Variants in PDGFC observed in about 807,000 individuals in gnomAD.
PDGFC encodes the protein platelet-derived growth factor C.
Under a neutral mutation model 35.5 loss-of-function variants are expected in PDGFC, and 12 were observed. The observed-to-expected ratio is 0.34, with a 90% confidence interval of 0.22 to 0.55. The LOEUF (loss-of-function observed/expected upper bound fraction) is 0.55, where lower values mean the gene tolerates loss of function less well. PDGFC is among the 20% of genes least tolerant of loss of function. The pLI is 0.91. For synonymous variants in PDGFC, 159 were observed against 148.8 expected, an observed-to-expected ratio of 1.07 and a Z score of -0.50; for missense variants, 322 against 412.4, an observed-to-expected ratio of 0.78 and a Z score of 1.90.
intron 1 of PDGFC, among the ~76,000 whole-genome samples, chr4:156,865,107 C>G (rs1729806486): frequency 6.6e-6 from 1 of 151,758 alleles, no homozygotes; most frequent in South Asian, 2.1e-4. Flanking sequence ...GGTTAAGAAC[C>G]CTTTCTCCAA....
chr4:156,802,900 G>GCTGCAAAAAT (rs1367872330), intron 3 of PDGFC, among the ~76,000 whole-genome samples: 4 of 152,208 alleles, frequency 2.6e-5, no homozygotes, highest in African/African-American at 9.6e-5. Context: ...GTTATGCAAG[G>GCTGCAAAAAT]CTGCAAAAAT....
At chr4:156,764,626 AC>A (rs2110785951) in intron 5 of PDGFC, among the ~76,000 whole-genome samples, 1 of 152,310 alleles carries the variant, frequency 6.6e-6, no homozygotes, top group Non-Finnish European at 1.5e-5. Context: ...GAAATTCTAA[AC>A]TTTTAAAGTA....
intron 1 of PDGFC, among the ~76,000 whole-genome samples, chr4:156,921,646 CT>C (rs1731284334): frequency 6.6e-6 from 1 of 152,080 alleles, no homozygotes. Context: ...TACAACGAAG[CT>C]TTTAGCTGAG....
At chr4:156,770,653 C>A (rs1344719980) in intron 4 of PDGFC, 1 of 151,982 alleles carries the variant, frequency 6.6e-6, no homozygotes, top group Non-Finnish European at 1.5e-5. Context: ...CCTAAGAAAA[C>A]AAATACAGGT....
chr4:156,831,848 T>G (rs1436328986), intron 2 of PDGFC, among the ~76,000 whole-genome samples: 1 of 152,146 alleles, frequency 6.6e-6, no homozygotes, highest in Non-Finnish European at 1.5e-5. Flanking sequence ...TCAAACCTTA[T>G]TATAATATCA....
chr4:156,820,955 C>A (rs1316117070), intron 2 of PDGFC, among the ~76,000 whole-genome samples: 1 of 152,092 alleles, frequency 6.6e-6, no homozygotes, highest in Non-Finnish European at 1.5e-5. Flanking sequence ...GAAAAAGGCT[C>A]TAGCTGTTTT....
chr4:156,884,562 T>C lies in PDGFC; in HGVS notation c.119-34146A>G, dbSNP rs577884400. On this transcript the variant is annotated intron_variant, in intron 1 of 5. Coordinates refer to ENST00000502773, the MANE Select transcript of PDGFC (RefSeq NM_016205.3). ...CCAAAGAAGTGAAACAACCACTAGATACTGCCTTTTCATACTTCCTATGCA... is the reference window on the plus strand; with the variant it reads ...CCAAAGAAGTGAAACAACCACTAGACACTGCCTTTTCATACTTCCTATGCA... Among the ~76,000 whole-genome samples the C allele has an allele frequency of 2.6e-5, 4 of 152,318 alleles. No individual in the cohort carries two copies. In the East Asian group the frequency reaches 7.7e-4, roughly 29 times the overall value.
chr4:156,845,231 C>T (rs927126659), intron 2 of PDGFC, among the ~76,000 whole-genome samples: 2 of 151,378 alleles, frequency 1.3e-5, no homozygotes, highest in African/African-American at 4.8e-5. Context: ...ATTGGCAGGG[C>T]GCCTCTACAC....
chr4:156,793,335 G>A (rs117565895), intron 3 of PDGFC, among the ~76,000 whole-genome samples: 6 of 151,468 alleles, frequency 4.0e-5, no homozygotes, highest in Admixed American at 2.0e-4. Context: ...AGAAAGGGAC[G>A]TAAAATGACC....
In PDGFC at chr4:156,936,218, A is replaced by C. The variant is rs949510841; in HGVS notation, c.118+34568T>G. Among the ~76,000 whole-genome samples the C allele has an allele frequency of 5.3e-5, 8 of 152,346 alleles. No individual in the cohort carries two copies. The East Asian group carries it at 7.7e-4, about 15-fold the overall frequency. On this transcript the variant is annotated intron_variant, in intron 1 of 5. Coordinates refer to ENST00000502773, the MANE Select transcript of PDGFC (RefSeq NM_016205.3). Reference sequence around the variant, plus strand: ...CGTCGTAATAGAATGAGTTTCAAAAAGTATCTTTCTTCAGGTACTATGAGG... The same window carrying C: ...CGTCGTAATAGAATGAGTTTCAAAACGTATCTTTCTTCAGGTACTATGAGG...
intron 3 of PDGFC, among the ~76,000 whole-genome samples, chr4:156,776,035 C>T (rs1044875206): frequency 3.3e-5 from 5 of 151,812 alleles, no homozygotes; most frequent in Non-Finnish European, 7.4e-5. Flanking sequence ...AAGAAAGAGC[C>T]GAGTTGTTCA....
intron 2 of PDGFC, among the ~76,000 whole-genome samples, chr4:156,817,417 T>C (rs969261113): frequency 3.9e-5 from 6 of 152,212 alleles, no homozygotes; most frequent in African/African-American, 1.2e-4. Context: ...AGTATAAGTA[T>C]ATTTTATGTA....
At chr4:156,920,659 AC>A (rs1188500150) in intron 1 of PDGFC, among the ~76,000 whole-genome samples, 1 of 129,460 alleles carries the variant, frequency 7.7e-6, no homozygotes, top group Non-Finnish European at 1.5e-5. Context: ...ACACACACAC[AC>A]ACACACACAC....
chr4:156,792,328 C>T (rs1731319853), intron 3 of PDGFC, among the ~76,000 whole-genome samples: 1 of 152,112 alleles, frequency 6.6e-6, no homozygotes, highest in Non-Finnish European at 1.5e-5. Context: ...ATAATTTATT[C>T]ATAATATGAA....
chr4:156,932,510 T>G (rs1251910565), intron 1 of PDGFC, among the ~76,000 whole-genome samples: 2 of 151,974 alleles, frequency 1.3e-5, no homozygotes, highest in Non-Finnish European at 2.9e-5. Context: ...TGTACAACAA[T>G]GATAGACTGG....
At chr4:156,887,772 G>A (rs1730409349) in intron 1 of PDGFC, among the ~76,000 whole-genome samples, 1 of 152,028 alleles carries the variant, frequency 6.6e-6, no homozygotes, top group South Asian at 2.1e-4. Context: ...CCCTCACTTT[G>A]GGAGGCTGAG....
intron 2 of PDGFC, among the ~76,000 whole-genome samples, chr4:156,837,524 T>A (rs944699222): frequency 1.3e-5 from 2 of 152,186 alleles, no homozygotes; most frequent in Non-Finnish European, 2.9e-5. Context: ...TTTAAGCCAT[T>A]GTGCCAACTG....
At chr4:156,948,252 A>G (rs1024320074) in intron 1 of PDGFC, among the ~76,000 whole-genome samples, 8 of 151,468 alleles carry the variant, frequency 5.3e-5, no homozygotes, top group Non-Finnish European at 1.2e-4. Context: ...AAAACCCCAT[A>G]TGGTGCCAAA....
intron 1 of PDGFC, among the ~76,000 whole-genome samples, chr4:156,956,542 T>C (rs1042077758): frequency 2.1e-4 from 32 of 151,954 alleles, no homozygotes; most frequent in African/African-American, 7.5e-4. Context: ...AAATGATCGA[T>C]TGTGGGTGAC....
Sources: gnomAD v4.1 joint callset for allele counts (sites outside exome capture counted in the v4.1 genomes callset) on GRCh38, gnomAD v4.1.1 for gene constraint, MANE v1.5 for transcripts, NCBI Gene and HGNC (gene_info 2026-07-23, HGNC 2026-07-21) for gene names.